Variants in MIDN observed in about 807,000 individuals in gnomAD.
MIDN encodes midnolin.
Under a neutral mutation model 46.1 loss-of-function variants are expected in MIDN, and 26 were observed. The observed-to-expected ratio is 0.56, with a 90% CI of 0.41 to 0.78. The LOEUF is 0.78. Ranked by LOEUF, MIDN falls within the 30% of genes least tolerant of loss-of-function variation. MIDN has a pLI of 0.00. For missense variants in MIDN, 850 were observed against 771.8 expected, an observed-to-expected ratio of 1.10 and a Z score of -1.20; for synonymous variants, 432 against 343.3, an observed-to-expected ratio of 1.26 and a Z score of -2.86.
At chr19:1,252,875 G>T (rs1320513385) in intron 4 of MIDN, among the ~76,000 whole-genome samples, 1 of 152,128 alleles carries the variant, frequency 6.6e-6, no homozygotes, top group African/African-American at 2.4e-5. Context: ...CGTGGGGGCA[G>T]AGCCGGGGTC....
Position 1,257,100 on chromosome 19 carries a change from C to A in MIDN, c.1364C>A (p.Ala455Glu). The change falls in exon 9 of 9, where the codon GCG (alanine) becomes GAG (glutamate). Residue 455 changes from alanine (A) to glutamate (E), a missense_variant. Physicochemically the swap from Ala to Glu is moderately radical, Grantham distance 107. Coordinates refer to ENST00000682408, the MANE Select transcript of MIDN (RefSeq NM_001388306.1). ...CTCCGTAGAAAGGCCCGGCGGGACG[C>A]GCGGGGTCCGTACCACTGGTCACCC... ...KRLRRKARRD[A>E]RGPYHWSPSR... 1 of 1,612,016 alleles carries A rather than the reference C, an allele frequency of 6.2e-7. No individual in the cohort carries two copies. The highest frequency in any genetic ancestry group is 8.5e-7 in the Non-Finnish European group (1 of 1,179,686).
At chr19:1,255,332 C>CTGAGCTCA (rs1260840996) in intron 7 of MIDN, 90 bp from the exon 8 acceptor site, 1 of 1,424,970 alleles carries the variant, frequency 7.0e-7, no homozygotes, top group East Asian at 2.5e-5. Context: ...ACGCCATTGC[C>CTGAGCTCA]TGAGCTCATG....
At position 1,256,984 on chromosome 19, in the gene MIDN, C is replaced by T. The variant is rs374125657; in HGVS notation, c.1259-11C>T. 1.9e-5 allele frequency: 30 copies of T among 1,607,036 alleles called. No homozygotes were observed. The highest frequency in any genetic ancestry group is 2.5e-5 in the Non-Finnish European group (29 of 1,179,772). Reference sequence around the variant, plus strand: ...GGCTTTGGGAGTCACAGGCCACTACCTCCTTTGCAGGGGACCGGCTTCGGC... The same window carrying T: ...GGCTTTGGGAGTCACAGGCCACTACTTCCTTTGCAGGGGACCGGCTTCGGC... On this transcript the variant is annotated splice_polypyrimidine_tract_variant and intron_variant, in intron 8 of 8. Transcript: ENST00000682408.
Position 1,250,276 on chromosome 19 carries a change from G to A in MIDN, c.-21G>A, listed in dbSNP as rs1208068343. 3.2e-5 allele frequency: 30 copies of A among 938,494 alleles called. No individual in the cohort carries two copies. Among genetic ancestry groups the A allele is most frequent in the Non-Finnish European group, 3.8e-5 (30 of 788,166 alleles). 58.1% of individuals were successfully genotyped at this position (938,494 alleles called of 1,614,324 possible). On this transcript the variant is annotated 5_prime_UTR_variant, in exon 2 of 9. Coordinates refer to ENST00000682408, the MANE Select transcript of MIDN (RefSeq NM_001388306.1). ...GGATTGGCGGCGCCCGCCGCCCCCA[G>A]CCCCCCAGCGCGCGCCGGGGATGGA... is the stretch of plus-strand genomic sequence containing the variant.
chr19:1,258,029 G>A lies in MIDN; in HGVS notation c.*757G>A, dbSNP rs2081222599. ...CACCCTTTCCTGTCGGGAAGGGAGAGGGGAACTACCCCCCCAGCCTGCCCT... is the reference window on the plus strand; with the variant it reads ...CACCCTTTCCTGTCGGGAAGGGAGAAGGGAACTACCCCCCCAGCCTGCCCT... On this transcript the variant is annotated 3_prime_UTR_variant, in exon 9 of 9. Transcript: ENST00000682408. 1.3e-5 allele frequency: 2 copies of A among 152,432 alleles called. No homozygotes were observed. The highest frequency in any genetic ancestry group is 4.8e-5 in the African/African-American group (2 of 41,438). The allele number at this position is 152,432 out of a possible 1,614,324, so 9.4% of individuals were successfully genotyped here.
In MIDN at chr19:1,258,492, G is replaced by C. The variant is rs963031564; in HGVS notation, c.*1220G>C. Reference sequence around the variant, plus strand: ...CTACTGGGGCCATTTCAATGGGGTAGTTTTTGGATTTTTTTCCCCACTCAC... The same window carrying C: ...CTACTGGGGCCATTTCAATGGGGTACTTTTTGGATTTTTTTCCCCACTCAC... On this transcript the variant is annotated 3_prime_UTR_variant, in exon 9 of 9. Transcript: ENST00000682408. The C allele has an allele frequency of 1.3e-5, 2 of 152,492 alleles. No homozygotes were observed. The highest frequency in any genetic ancestry group is 6.5e-5 in the Admixed American group (1 of 15,290). The allele number at this position is 152,492 out of a possible 1,614,324, so 9.4% of individuals were successfully genotyped here.
chr19:1,251,599 G>T lies in MIDN; in HGVS notation c.271G>T (p.Gly91Cys), dbSNP rs144043116. ...GGGGAAGCTGCAGGAGTTCGGCGTG[G>T]GTGATGGCAGCAAGCTGACCTTGGT... ...SSGKLQEFGV[G>C]DGSKLTLVPT... Residue 91 changes from glycine to cysteine, a missense_variant, in exon 3 of 9, where the codon GGT (glycine) becomes TGT (cysteine). Physicochemically the swap from Gly to Cys is radical, Grantham distance 159 (BLOSUM62 -3). Coordinates refer to ENST00000682408, the MANE Select transcript of MIDN (RefSeq NM_001388306.1). 1.4e-4 allele frequency: 220 copies of T among 1,606,546 alleles called. No individual in the cohort carries two copies. The African/African-American group carries it at 2.6e-3, about 19-fold the overall frequency.
chr19:1,257,280 G>C lies in MIDN; in HGVS notation c.*8G>C, dbSNP rs201601323. ...GAGTTCGTGGTGGCTTAGGATCTTC[G>C]GATCGGCCACCCTCGCCCCTCGCAC... On this transcript the variant is annotated 3_prime_UTR_variant, in exon 9 of 9. Transcript: ENST00000682408. The C allele has an allele frequency of 1.8e-5, 29 of 1,610,484 alleles. No individual in the cohort carries two copies. The highest frequency in any genetic ancestry group is 2.4e-5 in the Non-Finnish European group (28 of 1,178,814).
In MIDN at chr19:1,257,532, C is replaced by T. The variant is rs1407608723; in HGVS notation, c.*260C>T. 4.5e-6 allele frequency: 2 copies of T among 449,114 alleles called. No homozygotes were observed. Among genetic ancestry groups the T allele is most frequent in the Admixed American group, 4.2e-5 (1 of 23,622 alleles). The allele number at this position is 449,114 out of a possible 1,614,324, so 27.8% of individuals were successfully genotyped here. On this transcript the variant is annotated 3_prime_UTR_variant, in exon 9 of 9. Transcript: ENST00000682408. ...TGCCCTCCTCTTCCTCCTCCTCCTC[C>T]TCCTCCGTCTGTCTCCTTTCACCTC... is the stretch of plus-strand genomic sequence containing the variant.
In MIDN at chr19:1,257,901, T is replaced by TG. The variant is rs2081221021; in HGVS notation, c.*629_*630insG. On this transcript the variant is annotated 3_prime_UTR_variant, in exon 9 of 9. Coordinates refer to ENST00000682408, the MANE Select transcript of MIDN (RefSeq NM_001388306.1). ...TTCCACTCCTATCCTCTTTTCTTGA[T>TG]CTTTTTTTTGCATTTTCCTTCATTT... The TG allele has an allele frequency of 9.7e-6, 1 of 102,928 alleles. No individual in the cohort carries two copies. Among genetic ancestry groups the TG allele is most frequent in the African/African-American group, 4.5e-5 (1 of 22,056 alleles). 6.4% of individuals were successfully genotyped at this position (102,928 alleles called of 1,614,324 possible). A position where few individuals can be genotyped will look rare whatever the true frequency, so the allele number is the denominator to read the frequency against.
chr19:1,249,453 G>A (rs2081093858), intron 1 of MIDN, among the ~76,000 whole-genome samples: 2 of 149,716 alleles, frequency 1.3e-5, no homozygotes, highest in African/African-American at 4.9e-5. Context: ...CCGGCGCCGG[G>A]AACAATGGCC....
At chr19:1,255,755 C>G in intron 8 of MIDN, 61 bp downstream of exon 8, 2 of 1,431,788 alleles carry the variant, frequency 1.4e-6, no homozygotes, top group Admixed American at 2.5e-5. Context: ...CAAGGCCCCT[C>G]TGTGTGAGCT....
Position 1,255,334 on chromosome 19 carries a change from G to A in MIDN, c.986-88G>A, listed in dbSNP as rs1016283284. The A allele has an allele frequency of 5.5e-6, 8 of 1,444,976 alleles. No homozygotes were observed. In the African/African-American group the frequency reaches 9.9e-5, roughly 18 times the overall value. The allele number at this position is 1,444,976 out of a possible 1,614,324, so 89.5% of individuals were successfully genotyped here. On this transcript the variant is annotated intron_variant, in intron 7 of 8. Coordinates refer to ENST00000682408, the MANE Select transcript of MIDN (RefSeq NM_001388306.1). ...AGCCCACATGTCCACGCCATTGCCT[G>A]AGCTCATGAGCTCACACCCGTGGAC...
chr19:1,253,603 C>T (rs1042774166), intron 4 of MIDN: 3 of 158,054 alleles, frequency 1.9e-5, no homozygotes, highest in African/African-American at 7.2e-5. Context: ...GGTCAGGGCC[C>T]CTTCCTGCAG....
At position 1,253,973 on chromosome 19, in the gene MIDN, C is replaced by A; in HGVS notation, c.404C>A (p.Pro135Gln). ...TETQPPAAPGPGRAGGGGFRK... is the reference protein window; with the variant it reads ...TETQPPAAPGQGRAGGGGFRK... Reference sequence around the variant, plus strand: ...CCACAGCCCCCAGCGGCGCCCGGGCCGGGCCGGGCTGGCGGAGGAGGCTTC... The same window carrying A: ...CCACAGCCCCCAGCGGCGCCCGGGCAGGGCCGGGCTGGCGGAGGAGGCTTC... The change falls in exon 5 of 9, where the codon CCG becomes CAG. Residue 135 changes from proline (P) to glutamine (Q), a missense_variant. Coordinates refer to ENST00000682408, the MANE Select transcript of MIDN (RefSeq NM_001388306.1). 2 of 1,394,292 alleles carry A rather than the reference C, an allele frequency of 1.4e-6. No homozygotes were observed. The highest frequency in any genetic ancestry group is 1.6e-5 in the South Asian group (1 of 63,336). 86.4% of individuals were successfully genotyped at this position (1,394,292 alleles called of 1,614,324 possible).
intron 8 of MIDN, among the ~76,000 whole-genome samples, chr19:1,256,492 A>G (rs1174940817): frequency 6.6e-6 from 1 of 151,604 alleles, no homozygotes; most frequent in Non-Finnish European, 1.5e-5. Flanking sequence ...AAAAAAAAAA[A>G]AAAAAAACCA....
chr19:1,254,497 A>G lies in MIDN; in HGVS notation c.825+19A>G, dbSNP rs1176538912. On this transcript the variant is annotated intron_variant, in intron 6 of 8. Coordinates refer to ENST00000682408, the MANE Select transcript of MIDN (RefSeq NM_001388306.1). ...CCCGGAGGTGAGCCTGGGGAAGGGA[A>G]GGGTGACCCTTGGTTGGAATCCAAA... is the stretch of plus-strand genomic sequence containing the variant. 6.5e-7 allele frequency: 1 copy of G among 1,540,984 alleles called. No individual in the cohort carries two copies. The highest frequency in any genetic ancestry group is 8.7e-7 in the Non-Finnish European group (1 of 1,149,488).
In MIDN at chr19:1,258,923, T is replaced by A. The variant is rs977967972; in HGVS notation, c.*1651T>A. The A allele has an allele frequency of 2.0e-5, 3 of 152,150 alleles. No individual in the cohort carries two copies. The highest frequency in any genetic ancestry group is 4.4e-5 in the Non-Finnish European group (3 of 68,004). 9.4% of individuals were successfully genotyped at this position (152,150 alleles called of 1,614,324 possible). On this transcript the variant is annotated 3_prime_UTR_variant, in exon 9 of 9. Coordinates refer to ENST00000682408, the MANE Select transcript of MIDN (RefSeq NM_001388306.1). ...TTTAACGATTTTTAAATAACGTCTG[T>A]GCCTCCACTGGTTGAGGGTGGAACC...
At chr19:1,251,780 C>T in intron 3 of MIDN, 59 bp from the exon 4 acceptor site, 2 of 1,576,290 alleles carry the variant, frequency 1.3e-6, no homozygotes, top group South Asian at 2.2e-5. Flanking sequence ...TCTCCACCCC[C>T]TATTCCAGCC....
Sources: gnomAD v4.1 joint callset for allele counts (sites outside exome capture counted in the v4.1 genomes callset) on GRCh38, gnomAD v4.1.1 for gene constraint, MANE v1.5 for transcripts, NCBI Gene and HGNC (gene_info 2026-07-23, HGNC 2026-07-21) for gene names.